The following ARL15 variants were observed in gnomAD, a reference collection of about 807,000 sequenced individuals.
ARL15 encodes ADP-ribosylation factor-like protein 15.
In ARL15, 19 loss-of-function variants were observed where a neutral mutation model predicts 25.2. That is an observed-to-expected ratio of 0.75 (90% CI 0.53 to 1.10). The LOEUF (loss-of-function observed/expected upper bound fraction) is 1.10. Ranked by LOEUF, ARL15 falls within the 50% of genes least tolerant of loss-of-function variation. The pLI, the probability that ARL15 is intolerant of heterozygous loss-of-function variation, is 0.00. For missense variants in ARL15, 220 were observed against 246.0 expected, an observed-to-expected ratio of 0.89 and a Z score of 0.71; for synonymous variants, 94 against 86.8, an observed-to-expected ratio of 1.08 and a Z score of -0.46.
chr5:54,028,938 C>T (rs889758853), intron 4 of ARL15, among the ~76,000 whole-genome samples: 1 of 152,046 alleles, frequency 6.6e-6, no homozygotes, highest in East Asian at 1.9e-4. Context: ...GGGAGGATGG[C>T]CTTAGCCTAG....
chr5:54,198,410 C>A (rs1386660110), intron 1 of ARL15, among the ~76,000 whole-genome samples: 2 of 151,826 alleles, frequency 1.3e-5, no homozygotes, highest in Admixed American at 1.3e-4. Context: ...TTGTCTCAGC[C>A]CAAAATCTCC....
In ARL15 at chr5:54,081,331, A is replaced by T. The variant is rs1347667471; in HGVS notation, c.462+31871T>A. Among the ~76,000 whole-genome samples the T allele has an allele frequency of 2.0e-5, 3 of 152,192 alleles. No homozygotes were observed. The East Asian group carries it at 5.8e-4, about 29-fold the overall frequency. ...AAATAACTCCTTCCATGGGTACTCT[A>T]CTAATGATGGAATTGTATCATAAGC... is the stretch of plus-strand genomic sequence containing the variant. On this transcript the variant is annotated intron_variant, in intron 4 of 4. Transcript: ENST00000504924.
intron 4 of ARL15, among the ~76,000 whole-genome samples, chr5:54,007,376 C>T (rs2111761155): frequency 6.6e-6 from 1 of 152,276 alleles, no homozygotes; most frequent in South Asian, 2.1e-4. Flanking sequence ...AGTAACTGGC[C>T]TTCTAGCTTT....
intron 1 of ARL15, among the ~76,000 whole-genome samples, chr5:54,301,885 A>G (rs1758624823): frequency 6.6e-6 from 1 of 152,270 alleles, no homozygotes; most frequent in Non-Finnish European, 1.5e-5. Flanking sequence ...AACAGTTCCC[A>G]GCAAATCTAG....
chr5:54,031,777 A>T (rs576881587), intron 4 of ARL15, among the ~76,000 whole-genome samples: 2,043 of 152,248 alleles, frequency 0.013, 31 homozygotes, highest in Non-Finnish European at 0.016. Context: ...TGCAAGAACT[A>T]AATGCAGTTT....
intron 4 of ARL15, among the ~76,000 whole-genome samples, chr5:53,956,330 A>C (rs1424045046): frequency 1.3e-5 from 2 of 151,880 alleles, no homozygotes; most frequent in Non-Finnish European, 2.9e-5. Context: ...CCTGAAGAAA[A>C]GAAAGACTGA....
At chr5:54,133,011 T>C (rs762804609) in intron 3 of ARL15, among the ~76,000 whole-genome samples, 3 of 152,248 alleles carry the variant, frequency 2.0e-5, no homozygotes, top group Admixed American at 1.3e-4. Context: ...GTATTTCTAA[T>C]AGGAATGTAA....
chr5:54,268,150 G>A (rs1033412064), intron 1 of ARL15, among the ~76,000 whole-genome samples: 7 of 151,910 alleles, frequency 4.6e-5, no homozygotes, highest in Non-Finnish European at 7.4e-5. Flanking sequence ...CATATTTCTC[G>A]GAGGCTTTGT....
rs138871287 is a variant in ARL15, at chr5:54,004,867, T to G, written c.462+108335A>C. ...GTTCACATACAGAAGAAAAGAAATG[T>G]ACATTTTGTTGAGGGCCTACAATGT... On this transcript the variant is annotated intron_variant, in intron 4 of 4. Coordinates refer to ENST00000504924, the MANE Select transcript of ARL15 (RefSeq NM_019087.3). Among the ~76,000 whole-genome samples the G allele has an allele frequency of 5.5e-3, 841 of 152,298 alleles. 5 individuals carry two copies. The highest frequency in any genetic ancestry group is 0.01 in the Non-Finnish European group (696 of 68,020).
chr5:53,898,838 G>C (rs777113532), intron 4 of ARL15, among the ~76,000 whole-genome samples: 1 of 151,560 alleles, frequency 6.6e-6, no homozygotes, highest in Non-Finnish European at 1.5e-5. Flanking sequence ...TTTTTTTGTA[G>C]AGATGGGATT....
intron 4 of ARL15, among the ~76,000 whole-genome samples, chr5:54,065,342 A>G (rs1751191353): frequency 6.6e-6 from 1 of 152,206 alleles, no homozygotes; most frequent in African/African-American, 2.4e-5. Context: ...ACATCAGGCT[A>G]TTGACAGCTT....
chr5:54,011,443 TTTTG>T (rs539405384), intron 4 of ARL15, among the ~76,000 whole-genome samples: 33 of 152,206 alleles, frequency 2.2e-4, no homozygotes, highest in African/African-American at 4.8e-4. Flanking sequence ...TTGTTTTGTT[TTTTG>T]TTTGTTTTTA....
chr5:54,305,236 A>G (rs1200189757), intron 1 of ARL15, among the ~76,000 whole-genome samples: 1 of 152,098 alleles, frequency 6.6e-6, no homozygotes, highest in Non-Finnish European at 1.5e-5. Context: ...ACGGTGGCTC[A>G]CTCCTGTAAT....
chr5:54,159,895 G>T (rs1486688019), intron 2 of ARL15, among the ~76,000 whole-genome samples: 1 of 152,210 alleles, frequency 6.6e-6, no homozygotes, highest in Non-Finnish European at 1.5e-5. Context: ...TCCTGGAATT[G>T]TAACAAAATT....
chr5:54,090,900 C>A (rs1453392925), intron 4 of ARL15, among the ~76,000 whole-genome samples: 2 of 152,086 alleles, frequency 1.3e-5, no homozygotes, highest in East Asian at 3.9e-4. Context: ...AGATTAGACT[C>A]CTTTCACTAA....
At chr5:54,225,544 G>A (rs1756495605) in intron 1 of ARL15, among the ~76,000 whole-genome samples, 1 of 152,192 alleles carries the variant, frequency 6.6e-6, no homozygotes, top group Admixed American at 6.5e-5. Context: ...AGAAGTGACA[G>A]TTCTTTGAGA....
At chr5:54,161,822 T>C (rs932186359) in intron 2 of ARL15, among the ~76,000 whole-genome samples, 6 of 152,188 alleles carry the variant, frequency 3.9e-5, no homozygotes, top group Admixed American at 6.6e-5. Context: ...TGTGAATGAT[T>C]CACTGGAGGC....
chr5:54,302,091 C>A (rs1245008973), intron 1 of ARL15, among the ~76,000 whole-genome samples: 1 of 152,136 alleles, frequency 6.6e-6, no homozygotes, highest in Non-Finnish European at 1.5e-5. Flanking sequence ...AAACACAAAC[C>A]CACACAACTT....
At chr5:54,180,374 G>A (rs1177107169) in intron 1 of ARL15, among the ~76,000 whole-genome samples, 3 of 152,130 alleles carry the variant, frequency 2.0e-5, no homozygotes, top group Non-Finnish European at 4.4e-5. Flanking sequence ...GTCTTAGGGT[G>A]ACTAGTGGTT....
Sources: gnomAD v4.1 joint callset for allele counts (sites outside exome capture counted in the v4.1 genomes callset) on GRCh38, gnomAD v4.1.1 for gene constraint, MANE v1.5 for transcripts, NCBI Gene and HGNC (gene_info 2026-07-23, HGNC 2026-07-21) for gene names.